The following SUGCT variants were observed in gnomAD, a reference collection of about 807,000 sequenced individuals.
The protein encoded by SUGCT is succinyl-CoA:glutarate CoA-transferase.
SUGCT carries 41 observed loss-of-function variants against 55.0 expected under a neutral mutation model. The observed-to-expected ratio is 0.74, with a 90% CI of 0.58 to 0.97. The LOEUF (loss-of-function observed/expected upper bound fraction) is 0.97. Among genes scored for constraint, SUGCT ranks in the 50% least tolerant of loss-of-function variants. The pLI, the probability that SUGCT is intolerant of heterozygous loss-of-function variation, is 0.00. For missense variants in SUGCT, 568 were observed against 547.8 expected, an observed-to-expected ratio of 1.04 and a Z score of -0.37; for synonymous variants, 187 against 200.4, an observed-to-expected ratio of 0.93 and a Z score of 0.56.
intron 12 of SUGCT, among the ~76,000 whole-genome samples, chr7:40,615,891 A>G (rs1427868364): frequency 6.6e-6 from 1 of 152,178 alleles, no homozygotes; most frequent in Non-Finnish European, 1.5e-5. Context: ...AAGTAAAATA[A>G]GTGATTAAGA....
chr7:40,287,489 C>A (rs7792576), intron 8 of SUGCT, among the ~76,000 whole-genome samples: 7 of 151,732 alleles, frequency 4.6e-5, no homozygotes, highest in Non-Finnish European at 8.8e-5. Flanking sequence ...TGTGTTTTTT[C>A]CCTTGATACT....
the SUGCT span, among the ~76,000 whole-genome samples, chr7:40,970,276 A>G: frequency 6.6e-6 from 1 of 152,002 alleles, no homozygotes; most frequent in Non-Finnish European, 1.5e-5. Context: ...GGTTCAAGTG[A>G]TTCTCCTGCC....
intron 12 of SUGCT, among the ~76,000 whole-genome samples, chr7:40,638,585 A>G (rs1197313403): frequency 6.6e-6 from 1 of 152,230 alleles, no homozygotes; most frequent in East Asian, 1.9e-4. Flanking sequence ...TTTTCTGCTT[A>G]GTATGAGGAG....
intron 12 of SUGCT, among the ~76,000 whole-genome samples, chr7:40,605,838 AG>A (rs1173051349): frequency 1.3e-5 from 2 of 152,196 alleles, no homozygotes; most frequent in Non-Finnish European, 2.9e-5. Flanking sequence ...TGGGCGTGGC[AG>A]ATAGTAGATG....
intron 6 of SUGCT, among the ~76,000 whole-genome samples, chr7:40,202,280 C>T (rs897679410): frequency 2.6e-5 from 4 of 152,024 alleles, no homozygotes; most frequent in African/African-American, 9.7e-5. Context: ...GCAGTTATTT[C>T]GTTTAAAGTA....
chr7:40,421,158 C>A (rs544309479), intron 9 of SUGCT, among the ~76,000 whole-genome samples: 21 of 152,276 alleles, frequency 1.4e-4, no homozygotes, highest in Non-Finnish European at 2.5e-4. Flanking sequence ...AGAACTGTGA[C>A]GGCTGCTTCT....
At chr7:40,636,467 T>C (rs73310222) in intron 12 of SUGCT, among the ~76,000 whole-genome samples, 11,485 of 152,204 alleles carry the variant, frequency 0.075, 475 homozygotes, top group Middle Eastern at 0.11. Flanking sequence ...TAGGAATGTG[T>C]CACTAAGGTA....
chr7:40,259,456 T>A (rs896845846), intron 7 of SUGCT, among the ~76,000 whole-genome samples: 10 of 152,218 alleles, frequency 6.6e-5, no homozygotes, highest in African/African-American at 9.6e-5. Flanking sequence ...GTAGATTTTT[T>A]AAGCGTTATC....
At chr7:40,899,751 G>A in the SUGCT span, among the ~76,000 whole-genome samples, 15 of 151,616 alleles carry the variant, frequency 9.9e-5, no homozygotes, top group African/African-American at 3.4e-4. Flanking sequence ...TTAATTTAAA[G>A]AGGAAAAAAA....
At chr7:40,948,950 A>G in the SUGCT span, among the ~76,000 whole-genome samples, 5 of 152,226 alleles carry the variant, frequency 3.3e-5, no homozygotes, top group African/African-American at 1.2e-4. Context: ...CATGATTTAT[A>G]ATCCTTTGGG....
chr7:40,724,606 G>A (rs1786520383), intron 12 of SUGCT, among the ~76,000 whole-genome samples: 1 of 151,322 alleles, frequency 6.6e-6, no homozygotes, highest in South Asian at 2.1e-4. Context: ...GTAATGTCCT[G>A]GAACCTGAGA....
At chr7:40,633,663 A>G (rs1372935020) in intron 12 of SUGCT, among the ~76,000 whole-genome samples, 1 of 152,186 alleles carries the variant, frequency 6.6e-6, no homozygotes, top group Non-Finnish European at 1.5e-5. Context: ...TATGCAATGA[A>G]TCTCAAGCAA....
intron 1 of SUGCT, chr7:40,153,622 T>C (rs1788697551): frequency 1.9e-6 from 1 of 522,778 alleles, no homozygotes; most frequent in Non-Finnish European, 3.9e-6. Context: ...CCTTATGTTA[T>C]AATAGTCGAT....
intron 12 of SUGCT, among the ~76,000 whole-genome samples, chr7:40,639,269 G>A (rs147735913): frequency 3.9e-5 from 6 of 152,054 alleles, no homozygotes; most frequent in East Asian, 1.9e-4. Flanking sequence ...CTAATTTACC[G>A]CTACATTCCC....
intron 9 of SUGCT, among the ~76,000 whole-genome samples, chr7:40,416,663 T>C (rs1787019232): frequency 6.6e-6 from 1 of 151,982 alleles, no homozygotes; most frequent in South Asian, 2.1e-4. Flanking sequence ...CGAATATTGA[T>C]TTAATTTGAT....
At chr7:40,366,929 G>T (rs1445667983) in intron 9 of SUGCT, among the ~76,000 whole-genome samples, 1 of 152,136 alleles carries the variant, frequency 6.6e-6, no homozygotes, top group Admixed American at 6.5e-5. Flanking sequence ...ATACCCGAAG[G>T]ACTATAAATC....
intron 13 of SUGCT, among the ~76,000 whole-genome samples, chr7:40,766,735 A>T (rs1220317284): frequency 6.6e-6 from 1 of 152,198 alleles, no homozygotes. Context: ...CATATTTTTC[A>T]TATAAGCAAT....
chr7:40,808,826 A>T (rs1352151967), intron 13 of SUGCT, among the ~76,000 whole-genome samples: 2 of 152,206 alleles, frequency 1.3e-5, no homozygotes, highest in African/African-American at 4.8e-5. Flanking sequence ...AGAGGAAAGC[A>T]TATGACTTTA....
the SUGCT span, among the ~76,000 whole-genome samples, chr7:41,025,887 T>C: frequency 1.2e-4 from 19 of 152,150 alleles, no homozygotes; most frequent in Non-Finnish European, 1.8e-4. Context: ...GCCAAGTTAT[T>C]AAAGACCCGT....
Sources: gnomAD v4.1 joint callset for allele counts (sites outside exome capture counted in the v4.1 genomes callset) on GRCh38, gnomAD v4.1.1 for gene constraint, MANE v1.5 for transcripts, NCBI Gene and HGNC (gene_info 2026-07-23, HGNC 2026-07-21) for gene names.